Variants in KLHL24 observed in about 807,000 individuals in gnomAD.
The protein encoded by KLHL24 is kelch like family member 24.
A neutral mutation model predicts 53.4 loss-of-function variants in KLHL24; 29 were observed. The ratio of observed to expected loss-of-function variants is 0.54; its 90% CI spans 0.40 to 0.74. The LOEUF is 0.74. KLHL24 is among the 30% of genes least tolerant of loss of function. The pLI, the probability that KLHL24 is intolerant of heterozygous loss-of-function variation, is 0.00. For missense variants in KLHL24, 504 were observed against 744.0 expected (o/e 0.68, Z 3.75); for synonymous variants, 222 against 253.7 (o/e 0.88, Z 1.19).
intron 7 of KLHL24, among the ~76,000 whole-genome samples, chr3:183,673,355 C>T (rs1445462036): frequency 2.0e-5 from 3 of 151,936 alleles, no homozygotes; most frequent in African/African-American, 7.3e-5. Flanking sequence ...TTTTTACCAT[C>T]CCATGGAGAA....
In KLHL24 at chr3:183,679,626, G is replaced by A. The variant is rs1712482051; in HGVS notation, c.*340G>A. On this transcript the variant is annotated 3_prime_UTR_variant, in exon 8 of 8. Coordinates refer to ENST00000242810, the MANE Select transcript of KLHL24 (RefSeq NM_017644.3). ...AATGGTGTCTTCACTTATTATGTAT[G>A]TTTATCTGTATGTATATTCCTTATT... The A allele has an allele frequency of 9.1e-6, 2 of 218,988 alleles. No homozygotes were observed. The highest frequency in any genetic ancestry group is 9.1e-6 in the Non-Finnish European group (1 of 110,014). 13.6% of individuals were successfully genotyped at this position (218,988 alleles called of 1,614,324 possible). A position where few individuals can be genotyped will look rare whatever the true frequency, so the allele number is the denominator to read the frequency against.
rs557966263 is a variant in KLHL24 at position 183,650,248 on chromosome 3, A to C, written c.-61-48A>C. The C allele has an allele frequency of 3.8e-5, 28 of 746,122 alleles. No homozygotes were observed. The highest frequency in any genetic ancestry group is 5.2e-4 in the Middle Eastern group (2 of 3,818). The allele number at this position is 746,122 out of a possible 1,614,324, so 46.2% of individuals were successfully genotyped here. On this transcript the variant is annotated intron_variant, in intron 2 of 7. Coordinates refer to ENST00000242810, the MANE Select transcript of KLHL24 (RefSeq NM_017644.3). The surrounding 1 kb of genome is among the most constrained non-coding windows in gnomAD (Gnocchi z 4.5). ...ATTAAAATGAAATTATGTGATTTGA[A>C]TACTGAATTTTTTGCATATTGAAAT... is the stretch of plus-strand genomic sequence containing the variant.
chr3:183,639,998 C>G (rs1716116645), intron 1 of KLHL24, among the ~76,000 whole-genome samples: 1 of 152,150 alleles, frequency 6.6e-6, no homozygotes, highest in Admixed American at 6.5e-5. Flanking sequence ...GCACTCAATC[C>G]TGGGTGACAG....
Position 183,663,281 on chromosome 3 carries a change from T to C in KLHL24, c.921-177T>C, listed in dbSNP as rs1720061048. ...AATAATGATGTCACTAGCTCCCCTA[T>C]AAACGTTCTCAAAGTAAGTAATTTC... On this transcript the variant is annotated intron_variant, in intron 3 of 7. Transcript: ENST00000242810. This position sits in a 1 kb window ranked among gnomAD's most constrained non-coding sequence, Gnocchi z 4.9. Among the ~76,000 whole-genome samples the C allele has an allele frequency of 6.6e-6, 1 of 152,180 alleles. No individual in the cohort carries two copies. The highest frequency in any genetic ancestry group is 1.5e-5 in the Non-Finnish European group (1 of 68,032).
At chr3:183,665,775 A>T (rs943100673) in intron 5 of KLHL24, among the ~76,000 whole-genome samples, 1 of 152,066 alleles carries the variant, frequency 6.6e-6, no homozygotes, top group East Asian at 1.9e-4. Context: ...AAATAAAAAA[A>T]CTCACATTTT....
Position 183,650,636 on chromosome 3 carries a change from A to G in KLHL24, c.280A>G (p.Met94Val). The G allele has an allele frequency of 6.2e-7, 1 of 1,614,188 alleles. No individual in the cohort carries two copies. The change falls in exon 3 of 8, where the codon ATG becomes GTG. Residue 94 changes from methionine (M) to valine (V), a missense_variant. By Grantham distance (21) the Met-to-Val change is conservative. Transcript: ENST00000242810. The surrounding 1 kb of genome is among the most constrained non-coding windows in gnomAD (Gnocchi z 4.5). Reference sequence around the variant, plus strand: ...AGCCTGTAGCAGCTACTTCAGAGCTATGTTTTGTAATGACCACAGGGAAAG... The same window carrying G: ...AGCCTGTAGCAGCTACTTCAGAGCTGTGTTTTGTAATGACCACAGGGAAAG... ...LSACSSYFRAMFCNDHRESRE... is the reference protein window; with the variant it reads ...LSACSSYFRAVFCNDHRESRE...
intron 5 of KLHL24, among the ~76,000 whole-genome samples, chr3:183,670,176 G>A: frequency 6.6e-6 from 1 of 152,024 alleles, no homozygotes; most frequent in Non-Finnish European, 1.5e-5. Flanking sequence ...GAGGTGAGAG[G>A]ATTACTTGAA....
intron 5 of KLHL24, among the ~76,000 whole-genome samples, chr3:183,668,628 C>G (rs555849653): frequency 6.6e-6 from 1 of 152,084 alleles, no homozygotes; most frequent in African/African-American, 2.4e-5. Flanking sequence ...AAAAAATTAC[C>G]GGGTGCGGTG....
intron 2 of KLHL24, chr3:183,644,005 T>C (rs1339044546): frequency 7.7e-6 from 1 of 129,660 alleles, no homozygotes; most frequent in Non-Finnish European, 1.6e-5. Flanking sequence ...TCACCGTACT[T>C]TGAGATGATA....
intron 5 of KLHL24, among the ~76,000 whole-genome samples, chr3:183,665,948 A>G (rs1720497118): frequency 6.8e-6 from 1 of 147,870 alleles, no homozygotes; most frequent in Non-Finnish European, 1.5e-5. Flanking sequence ...CAGTGGCATT[A>G]TCTAGCTCAC....
At position 183,655,801 on chromosome 3, in the gene KLHL24, A is replaced by G. The variant is rs1354451412; in HGVS notation, c.920+4525A>G. Reference sequence around the variant, plus strand: ...AGCAGACATGGTGGAGCGTGCCTGTAGTCCCATCTACTCGGGAGGCTGAGG... The same window carrying G: ...AGCAGACATGGTGGAGCGTGCCTGTGGTCCCATCTACTCGGGAGGCTGAGG... On this transcript the variant is annotated intron_variant, in intron 3 of 7. Coordinates refer to ENST00000242810, the MANE Select transcript of KLHL24 (RefSeq NM_017644.3). 3.9e-5 allele frequency among the ~76,000 whole-genome samples: 6 copies of G among 152,104 alleles called. No homozygotes were observed. The East Asian group carries it at 1.2e-3, about 29-fold the overall frequency.
At position 183,651,179 on chromosome 3, in the gene KLHL24, A is replaced by G; in HGVS notation, c.823A>G (p.Ile275Val). 6.2e-7 allele frequency: 1 copy of G among 1,614,072 alleles called. No homozygotes were observed. The highest frequency in any genetic ancestry group is 8.5e-7 in the Non-Finnish European group (1 of 1,179,934). ...FVQTVEVDQL[I>V]QNSPECYQLL... ...TCAAACAGTTGAAGTGGACCAATTG[A>G]TCCAGAATTCTCCTGAGTGTTATCA... The change falls in exon 3 of 8, where the codon ATC becomes GTC. Residue 275 changes from isoleucine to valine, a missense_variant. Ile to Val is a conservative substitution (Grantham distance 29). Coordinates refer to ENST00000242810, the MANE Select transcript of KLHL24 (RefSeq NM_017644.3).
At chr3:183,639,546 C>T (rs1221564936) in intron 1 of KLHL24, among the ~76,000 whole-genome samples, 4 of 144,244 alleles carry the variant, frequency 2.8e-5, no homozygotes, top group Non-Finnish European at 6.0e-5. Context: ...AGGAGAATGG[C>T]GTGAACCCAG....
At chr3:183,640,759 C>T (rs1024642811) in intron 1 of KLHL24, among the ~76,000 whole-genome samples, 1 of 151,918 alleles carries the variant, frequency 6.6e-6, no homozygotes, top group Non-Finnish European at 1.5e-5. Flanking sequence ...GCCACCACAC[C>T]CGGCTAATTT....
chr3:183,649,507 C>T, intron 2 of KLHL24, among the ~76,000 whole-genome samples: 1 of 132,914 alleles, frequency 7.5e-6, no homozygotes, highest in East Asian at 1.9e-4. Context: ...CTGATTATTT[C>T]CTTAGGAGAG....
At chr3:183,637,262 A>G (rs969455506) in intron 1 of KLHL24, among the ~76,000 whole-genome samples, 2 of 152,202 alleles carry the variant, frequency 1.3e-5, no homozygotes, top group African/African-American at 4.8e-5. Context: ...GTTGTAAAAT[A>G]GATTTAAAAT....
chr3:183,657,321 A>T (rs992130872), intron 3 of KLHL24, among the ~76,000 whole-genome samples: 1 of 152,100 alleles, frequency 6.6e-6, no homozygotes, highest in East Asian at 1.9e-4. Context: ...CCTTTGCCAG[A>T]CTCCACTGAG....
Position 183,650,300 on chromosome 3 carries a change from A to T in KLHL24, c.-57A>T, listed in dbSNP as rs1717949894. ...TTTTCCTTTTTTTACTTTTAGCCACATAAAGAAGATCCCTAATAGTCATTT... is the reference window on the plus strand; with the variant it reads ...TTTTCCTTTTTTTACTTTTAGCCACTTAAAGAAGATCCCTAATAGTCATTT... On this transcript the variant is annotated 5_prime_UTR_variant, in exon 3 of 8. Transcript: ENST00000242810. This position sits in a 1 kb window ranked among gnomAD's most constrained non-coding sequence, Gnocchi z 4.5. The T allele has an allele frequency of 7.2e-7, 1 of 1,389,386 alleles. No homozygotes were observed. The highest frequency in any genetic ancestry group is 1.5e-5 in the African/African-American group (1 of 68,854). 86.1% of individuals were successfully genotyped at this position (1,389,386 alleles called of 1,614,324 possible). A position where few individuals can be genotyped will look rare whatever the true frequency, so the allele number is the denominator to read the frequency against.
At chr3:183,674,611 C>G (rs567015949) in intron 7 of KLHL24, among the ~76,000 whole-genome samples, 1 of 152,308 alleles carries the variant, frequency 6.6e-6, no homozygotes, top group East Asian at 1.9e-4. Flanking sequence ...CCACCTGCCT[C>G]AGCCTCCCAA....
Sources: gnomAD v4.1 joint callset for allele counts (sites outside exome capture counted in the v4.1 genomes callset) on GRCh38, gnomAD v4.1.1 for gene constraint, Gnocchi (gnomAD v3.1) non-coding constraint, MANE v1.5 for transcripts, NCBI Gene and HGNC (gene_info 2026-07-23, HGNC 2026-07-21) for gene names.